CTNNA3: variants seen among roughly 807,000 people sequenced by gnomAD.
CTNNA3 encodes the protein catenin alpha 3, also known as catenin alpha-3.
A neutral mutation model predicts 95.7 loss-of-function variants in CTNNA3; 76 were observed. The ratio of observed to expected loss-of-function variants is 0.79; its 90% CI spans 0.66 to 0.96. CTNNA3 has a LOEUF of 0.96. Ranked by LOEUF, CTNNA3 falls within the 40% of genes least tolerant of loss-of-function variation. The probability of loss-of-function intolerance (pLI) is 0.00; values close to 1 mark genes in which losing one functional copy is unlikely to be tolerated. For missense variants in CTNNA3, 1,191 were observed against 1,089.8 expected (o/e 1.09, Z -1.31); for synonymous variants, 431 against 374.4 (o/e 1.15, Z -1.74).
chr10:66,194,080 C>A (rs1348419208), intron 13 of CTNNA3, among the ~76,000 whole-genome samples: 2 of 152,226 alleles, frequency 1.3e-5, no homozygotes, highest in Admixed American at 6.5e-5. Flanking sequence ...AAAACTTGAT[C>A]ATCTAAATGC....
intron 7 of CTNNA3, among the ~76,000 whole-genome samples, chr10:67,171,802 T>C (rs981761969): frequency 1.3e-5 from 2 of 152,000 alleles, no homozygotes; most frequent in Non-Finnish European, 1.5e-5. Context: ...TATATTTCAA[T>C]GGAAATTGAT....
intron 12 of CTNNA3, among the ~76,000 whole-genome samples, chr10:66,297,148 A>C (rs77286796): frequency 0.072 from 11,005 of 152,210 alleles, 519 homozygotes; most frequent in Admixed American, 0.12. Context: ...GAAAGAGAAG[A>C]ATGGCAGTAG....
chr10:67,677,935 T>G (rs1487990746), intron 1 of CTNNA3, among the ~76,000 whole-genome samples: 15 of 151,744 alleles, frequency 9.9e-5, no homozygotes, highest in Admixed American at 9.9e-4. Flanking sequence ...AGGAGAAGAG[T>G]TGCCCCGATG....
intron 3 of CTNNA3, among the ~76,000 whole-genome samples, chr10:67,548,747 T>C (rs1205700319): frequency 2.0e-5 from 3 of 151,732 alleles, no homozygotes; most frequent in South Asian, 2.1e-4. Flanking sequence ...ATAAAAAAAA[T>C]TGATGAACTG....
chr10:66,502,644 TTC>T (rs901260704), intron 11 of CTNNA3, among the ~76,000 whole-genome samples: 4 of 152,092 alleles, frequency 2.6e-5, no homozygotes, highest in Admixed American at 2.6e-4. Context: ...CTTTGAAAAT[TTC>T]TCTTTTTAAC....
At chr10:66,711,975 T>A (rs1190397244) in intron 9 of CTNNA3, among the ~76,000 whole-genome samples, 1 of 152,130 alleles carries the variant, frequency 6.6e-6, no homozygotes, top group Non-Finnish European at 1.5e-5. Context: ...GCCCCAGCCA[T>A]CTTTTCTGAC....
At chr10:65,989,508 AT>A (rs1209562028) in intron 15 of CTNNA3, among the ~76,000 whole-genome samples, 4 of 151,988 alleles carry the variant, frequency 2.6e-5, no homozygotes, top group Admixed American at 6.5e-5. Flanking sequence ...CTAACGATTT[AT>A]TTTTTATCAG....
At chr10:66,014,634 C>T (rs1222708466) in intron 15 of CTNNA3, among the ~76,000 whole-genome samples, 1 of 152,046 alleles carries the variant, frequency 6.6e-6, no homozygotes, top group African/African-American at 2.4e-5. Context: ...ACATGTTTTC[C>T]ATGTTTCCAC....
At chr10:66,463,886 A>T (rs372127687) in intron 11 of CTNNA3, among the ~76,000 whole-genome samples, 5,318 of 143,714 alleles carry the variant, frequency 0.037, 321 homozygotes, top group African/African-American at 0.13. Context: ...TCACTTTCCA[A>T]TTTTTTTTTT....
At chr10:67,566,467 T>C (rs1217249136) in intron 3 of CTNNA3, among the ~76,000 whole-genome samples, 4 of 151,692 alleles carry the variant, frequency 2.6e-5, no homozygotes, top group Admixed American at 2.6e-4. Flanking sequence ...AAAACCACAA[T>C]GAGGTACCAT....
At chr10:66,591,000 T>C (rs1323531274) in intron 10 of CTNNA3, among the ~76,000 whole-genome samples, 1 of 152,170 alleles carries the variant, frequency 6.6e-6, no homozygotes, top group Non-Finnish European at 1.5e-5. Context: ...TGGTTTTAAA[T>C]GATAATTATT....
At chr10:66,871,039 G>C (rs544290131) in intron 7 of CTNNA3, among the ~76,000 whole-genome samples, 1 of 152,102 alleles carries the variant, frequency 6.6e-6, no homozygotes, top group Non-Finnish European at 1.5e-5. Context: ...TAGAAAAAGG[G>C]CTTTGTTGCT....
intron 16 of CTNNA3, among the ~76,000 whole-genome samples, chr10:65,975,054 G>T (rs368005659): frequency 6.6e-6 from 1 of 152,054 alleles, no homozygotes; most frequent in East Asian, 1.9e-4. Flanking sequence ...GGTACTTATC[G>T]TCTTATATTT....
chr10:67,718,839 C>T (rs1386659457), intron 1 of CTNNA3, among the ~76,000 whole-genome samples: 1 of 152,142 alleles, frequency 6.6e-6, no homozygotes, highest in Non-Finnish European at 1.5e-5. Flanking sequence ...GGGAGGAGTG[C>T]CTCTTTGTCT....
At chr10:67,055,602 T>C (rs933200603) in intron 7 of CTNNA3, among the ~76,000 whole-genome samples, 8 of 152,104 alleles carry the variant, frequency 5.3e-5, no homozygotes, top group Non-Finnish European at 7.4e-5. Flanking sequence ...CAAAATATAA[T>C]CAACACAATA....
intron 10 of CTNNA3, among the ~76,000 whole-genome samples, chr10:66,562,756 CTA>C (rs1842591479): frequency 6.6e-6 from 1 of 151,550 alleles, no homozygotes; most frequent in Non-Finnish European, 1.5e-5. Flanking sequence ...AGTCTAATAA[CTA>C]TATTTATTAT....
At chr10:66,547,970 C>A (rs1342655331) in intron 10 of CTNNA3, among the ~76,000 whole-genome samples, 1 of 150,954 alleles carries the variant, frequency 6.6e-6, no homozygotes, top group Non-Finnish European at 1.5e-5. Context: ...GGCTGGAGTG[C>A]AATGGTGCAA....
rs145137325 is a variant in CTNNA3 at position 66,518,500 on chromosome 10, A to T, written c.1531+2117T>A. On this transcript the variant is annotated intron_variant, in intron 11 of 17. Coordinates refer to ENST00000433211, the MANE Select transcript of CTNNA3 (RefSeq NM_013266.4). The stretch of plus-strand genomic sequence containing the variant: ...AAGGCTTTTCCAATATAAGGTGTTG[A>T]CTGAATTTACTTTGTGAAGTCTATA... Among the ~76,000 whole-genome samples, 613 of 152,262 alleles carry T rather than the reference A, an allele frequency of 4.0e-3. 6 individuals are homozygous for T. The highest frequency in any genetic ancestry group is 0.014 in the African/African-American group (589 of 41,558).
intron 7 of CTNNA3, among the ~76,000 whole-genome samples, chr10:66,861,588 A>G (rs7902209): frequency 0.12 from 18,124 of 152,168 alleles, 1,284 homozygotes; most frequent in African/African-American, 0.18. Flanking sequence ...GAATGGATAG[A>G]TGGATACATA....
Sources: gnomAD v4.1 joint callset for allele counts (sites outside exome capture counted in the v4.1 genomes callset) on GRCh38, gnomAD v4.1.1 for gene constraint, MANE v1.5 for transcripts, NCBI Gene and HGNC (gene_info 2026-07-23, HGNC 2026-07-21) for gene names.